The following PLIN3 variants were observed in gnomAD, a reference collection of about 807,000 sequenced individuals.
PLIN3 encodes the protein perilipin-3.
PLIN3 carries 30 observed loss-of-function variants against 35.9 expected under a neutral mutation model. That is an observed-to-expected ratio of 0.84 (90% CI 0.62 to 1.13). PLIN3 has a LOEUF of 1.13. Among genes scored for constraint, PLIN3 ranks in the 50% most tolerant of loss-of-function variants. The pLI is 0.00. For synonymous variants in PLIN3, 261 were observed against 262.5 expected (o/e 0.99, Z 0.06); for missense variants, 603 against 596.9 (o/e 1.01, Z -0.11).
chr19:4,865,890 ATTGT>A (rs916438913), intron 1 of PLIN3, among the ~76,000 whole-genome samples: 4 of 150,514 alleles, frequency 2.7e-5, no homozygotes, highest in African/African-American at 9.8e-5. Context: ...CGCCTGGCTA[ATTGT>A]TTGTATTTTT....
intron 6 of PLIN3, 109 bp downstream of exon 6, chr19:4,847,582 G>T (rs2030142549): frequency 1.1e-6 from 1 of 888,066 alleles, no homozygotes; most frequent in Non-Finnish European, 1.8e-6. Context: ...AAGCGGGAAT[G>T]GCCCTGCCAG....
chr19:4,848,277 C>T (rs1001560694), intron 5 of PLIN3, among the ~76,000 whole-genome samples: 4 of 152,214 alleles, frequency 2.6e-5, no homozygotes, highest in African/African-American at 9.6e-5. Context: ...AGCCACCACA[C>T]CTGGCCATGC....
In PLIN3 at chr19:4,860,685, T is replaced by C. The variant is rs148984918; in HGVS notation, c.66+644A>G. 1.7e-4 allele frequency among the ~76,000 whole-genome samples: 26 copies of C among 152,134 alleles called. 1 individual carries two copies. In the East Asian group the frequency reaches 3.9e-3, roughly 23 times the overall value. Reference sequence around the variant, plus strand: ...CTTGATTTTTAAATTTTAATTATTTTTGGGGCCAGGAGCAGTGGCTCACGC... The same window carrying C: ...CTTGATTTTTAAATTTTAATTATTTCTGGGGCCAGGAGCAGTGGCTCACGC... On this transcript the variant is annotated intron_variant, in intron 2 of 7. Transcript: ENST00000221957.
intron 1 of PLIN3, among the ~76,000 whole-genome samples, chr19:4,866,266 C>CTA (rs2030854973): frequency 6.6e-6 from 1 of 152,158 alleles, no homozygotes; most frequent in African/African-American, 2.4e-5. Context: ...GATCCGCCCA[C>CTA]CTCAGCCTCC....
chr19:4,866,400 C>T (rs1286252725), intron 1 of PLIN3, among the ~76,000 whole-genome samples: 1 of 152,092 alleles, frequency 6.6e-6, no homozygotes, highest in Non-Finnish European at 1.5e-5. Flanking sequence ...TCTTGCTTGC[C>T]ACATCTGTGA....
At chr19:4,861,961 CAG>C (rs2030691796) in intron 1 of PLIN3, among the ~76,000 whole-genome samples, 1 of 149,580 alleles carries the variant, frequency 6.7e-6, no homozygotes, top group African/African-American at 2.5e-5. Flanking sequence ...TCATTAAAGA[CAG>C]GGTCTTGCTC....
chr19:4,863,553 T>C (rs1330489443), intron 1 of PLIN3, among the ~76,000 whole-genome samples: 1 of 144,980 alleles, frequency 6.9e-6, no homozygotes, highest in Non-Finnish European at 1.5e-5. Context: ...ATGTGGTGGG[T>C]CACACCTCTA....
chr19:4,840,402 T>A (rs1286172492), intron 7 of PLIN3, among the ~76,000 whole-genome samples: 11 of 152,020 alleles, frequency 7.2e-5, no homozygotes, highest in Non-Finnish European at 2.9e-5. Flanking sequence ...CTACAGGCAC[T>A]CACTACCACG....
At chr19:4,854,541 C>A (rs529597755) in intron 4 of PLIN3, among the ~76,000 whole-genome samples, 1 of 152,056 alleles carries the variant, frequency 6.6e-6, no homozygotes, top group South Asian at 2.1e-4. Context: ...GCAGCTGGGA[C>A]TACAGGCGTG....
At chr19:4,843,078 C>T (rs920281166) in intron 7 of PLIN3, among the ~76,000 whole-genome samples, 5 of 151,390 alleles carry the variant, frequency 3.3e-5, no homozygotes, top group African/African-American at 1.2e-4. Flanking sequence ...AAAAATTAGC[C>T]GGGCGTGGTG....
At chr19:4,844,610 G>C in intron 7 of PLIN3, 58 bp downstream of exon 7, 5 of 1,530,108 alleles carry the variant, frequency 3.3e-6, no homozygotes, top group Non-Finnish European at 4.4e-6. Context: ...CAGAGGTGTA[G>C]AGAGTGGCAT....
At chr19:4,864,270 A>G (rs1215830979) in intron 1 of PLIN3, among the ~76,000 whole-genome samples, 1 of 151,238 alleles carries the variant, frequency 6.6e-6, no homozygotes, top group Non-Finnish European at 1.5e-5. Flanking sequence ...CTCCTGCCTC[A>G]GCCTCCTGAG....
chr19:4,844,084 G>A (rs1158541541), intron 7 of PLIN3, among the ~76,000 whole-genome samples: 4 of 152,094 alleles, frequency 2.6e-5, no homozygotes, highest in African/African-American at 4.8e-5. Context: ...TAAGTGGGTG[G>A]TGGGACAGGC....
chr19:4,860,114 C>T, intron 2 of PLIN3, 90 bp from the exon 3 acceptor site: 1 of 1,147,598 alleles, frequency 8.7e-7, no homozygotes, highest in Non-Finnish European at 1.3e-6. Context: ...TTTGCTCTTA[C>T]TCCTGGCCAG....
At chr19:4,861,037 G>C (rs759862728) in intron 2 of PLIN3, among the ~76,000 whole-genome samples, 2 of 152,098 alleles carry the variant, frequency 1.3e-5, no homozygotes, top group Non-Finnish European at 2.9e-5. Flanking sequence ...GGCCTCCTAG[G>C]ACGTCCCTGA....
Position 4,839,535 on chromosome 19 carries a change from T to C in PLIN3, c.962A>G (p.Gln321Arg), listed in dbSNP as rs1376839046. The change falls in exon 8 of 8, where the codon CAG (glutamine) becomes CGG (arginine). Residue 321 changes from glutamine to arginine, a missense_variant and splice_region_variant. Coordinates refer to ENST00000221957, the MANE Select transcript of PLIN3 (RefSeq NM_005817.5). The part of the protein sequence containing the change: ...GPEKEPPKPE[Q>R]VESRALTMFR... ...CATGGTGAGCGCCCGGGACTCGACC[T>C]GCTGAGAAGGGAGATGGGGACACCA... 6.6e-7 allele frequency: 1 copy of C among 1,516,532 alleles called. No homozygotes were observed. The highest frequency in any genetic ancestry group is 8.9e-7 in the Non-Finnish European group (1 of 1,129,708). The allele number at this position is 1,516,532 out of a possible 1,614,324, so 93.9% of individuals were successfully genotyped here.
chr19:4,861,184 C>T (rs943822849), intron 2 of PLIN3, 145 bp downstream of exon 2: 1 of 715,786 alleles, frequency 1.4e-6, no homozygotes, highest in Non-Finnish European at 2.5e-6. Flanking sequence ...AGTGAGTGGT[C>T]CATACCCCAC....
chr19:4,858,699 TG>T (rs1418065333), intron 4 of PLIN3, among the ~76,000 whole-genome samples: 8 of 106,558 alleles, frequency 7.5e-5, no homozygotes, highest in East Asian at 6.3e-4. Flanking sequence ...GGTGTTTTTT[TG>T]GTTTTTTTTT....
chr19:4,845,197 G>A (rs1185469779), intron 6 of PLIN3, among the ~76,000 whole-genome samples: 2 of 152,096 alleles, frequency 1.3e-5, no homozygotes, highest in African/African-American at 2.4e-5. Context: ...AGGTTGAGGT[G>A]GGTGGATCAC....
Sources: gnomAD v4.1 joint callset for allele counts (sites outside exome capture counted in the v4.1 genomes callset) on GRCh38, gnomAD v4.1.1 for gene constraint, MANE v1.5 for transcripts, NCBI Gene and HGNC (gene_info 2026-07-23, HGNC 2026-07-21) for gene names.